GRID2: variants seen among roughly 807,000 people sequenced by gnomAD.
GRID2 encodes glutamate ionotropic receptor delta type subunit 2.
In GRID2, 33 loss-of-function variants were observed where a neutral mutation model predicts 114.8. That is an observed-to-expected ratio of 0.29 (90% CI 0.22 to 0.38). The LOEUF (loss-of-function observed/expected upper bound fraction) is 0.38. GRID2 is among the 10% of genes least tolerant of loss of function. The pLI is 1.00. For synonymous variants in GRID2, 505 were observed against 449.9 expected (o/e 1.12, Z -1.55); for missense variants, 1,184 against 1,257.7 (o/e 0.94, Z 0.89).
At position 93,701,234 on chromosome 4, in the gene GRID2, G is replaced by T. The variant is rs1373865597; in HGVS notation, c.2361-67976G>T. 3.3e-5 allele frequency among the ~76,000 whole-genome samples: 5 copies of T among 152,106 alleles called. No individual in the cohort carries two copies. In the East Asian group the frequency reaches 9.6e-4, roughly 29 times the overall value. On this transcript the variant is annotated intron_variant, in intron 14 of 15. Coordinates refer to ENST00000282020, the MANE Select transcript of GRID2 (RefSeq NM_001510.4). ...CTTACAGGAAAATTGGAAAAGGAAT[G>T]ATTTCAAATCAAGAACTTTATTTCT...
At chr4:92,724,764 A>C (rs1379109771) in intron 2 of GRID2, among the ~76,000 whole-genome samples, 1 of 152,194 alleles carries the variant, frequency 6.6e-6, no homozygotes, top group African/African-American at 2.4e-5. Flanking sequence ...TGAAGAATAC[A>C]TAAACTAATA....
At chr4:93,457,433 T>G (rs1723310320) in intron 11 of GRID2, among the ~76,000 whole-genome samples, 3 of 152,236 alleles carry the variant, frequency 2.0e-5, no homozygotes, top group South Asian at 4.1e-4. Context: ...GCTACATTTG[T>G]TATTATAAGG....
chr4:92,932,201 C>A (rs1387186815), intron 2 of GRID2, among the ~76,000 whole-genome samples: 1 of 151,200 alleles, frequency 6.6e-6, no homozygotes, highest in Non-Finnish European at 1.5e-5. Context: ...ATTTAAACAA[C>A]TTTTATGAGT....
At position 92,939,343 on chromosome 4, in the gene GRID2, G is replaced by A. The variant is rs937496521; in HGVS notation, c.245-145652G>A. Among the ~76,000 whole-genome samples the A allele has an allele frequency of 6.1e-5, 9 of 147,642 alleles. 1 individual carries two copies. The South Asian group carries it at 1.6e-3, about 26-fold the overall frequency. ...ATGATGAACATTTTTTCATGTGTCT[G>A]TTGGCTGCATAAATGTCTTCCTTTG... On this transcript the variant is annotated intron_variant, in intron 2 of 15. Transcript: ENST00000282020.
intron 1 of GRID2, among the ~76,000 whole-genome samples, chr4:92,441,601 G>A (rs866014677): frequency 2.6e-5 from 4 of 152,118 alleles, no homozygotes; most frequent in Non-Finnish European, 5.9e-5. Flanking sequence ...TTTAGGACAG[G>A]TAAAATGGGG....
chr4:93,328,257 CTT>C (rs1758059393), intron 8 of GRID2, among the ~76,000 whole-genome samples: 1 of 139,730 alleles, frequency 7.2e-6, no homozygotes, highest in South Asian at 2.4e-4. Context: ...ACTACAAACT[CTT>C]TATGTGATCT....
intron 13 of GRID2, among the ~76,000 whole-genome samples, chr4:93,620,620 G>A (rs1327292571): frequency 6.6e-6 from 1 of 152,142 alleles, no homozygotes; most frequent in Non-Finnish European, 1.5e-5. Flanking sequence ...ACATGTTGAG[G>A]AACATAGGTG....
chr4:93,367,011 AT>A (rs1420643942), intron 8 of GRID2, among the ~76,000 whole-genome samples: 1 of 151,990 alleles, frequency 6.6e-6, no homozygotes, highest in Non-Finnish European at 1.5e-5. Flanking sequence ...GAATCAAAGT[AT>A]ATTTCTACTT....
chr4:92,350,628 A>T (rs910593132), intron 1 of GRID2, among the ~76,000 whole-genome samples: 8 of 151,750 alleles, frequency 5.3e-5, no homozygotes, highest in African/African-American at 1.9e-4. Flanking sequence ...TCTTTCTTAA[A>T]GCATAATATG....
intron 4 of GRID2, among the ~76,000 whole-genome samples, chr4:93,142,845 TAAAC>T (rs1735891882): frequency 6.6e-6 from 1 of 152,348 alleles, no homozygotes; most frequent in African/African-American, 2.4e-5. Context: ...TACTGTTTAA[TAAAC>T]AAAGGAAGAA....
chr4:93,508,965 G>A (rs1009212418), intron 12 of GRID2, among the ~76,000 whole-genome samples: 6 of 152,190 alleles, frequency 3.9e-5, no homozygotes, highest in African/African-American at 1.4e-4. Context: ...AAGAAACAGT[G>A]TTTGGCTTAT....
chr4:92,576,938 G>A (rs563658411), intron 1 of GRID2, among the ~76,000 whole-genome samples: 7 of 152,208 alleles, frequency 4.6e-5, no homozygotes, highest in Admixed American at 6.5e-5. Flanking sequence ...TCTTGTCTCA[G>A]ATTTTTAATT....
intron 3 of GRID2, among the ~76,000 whole-genome samples, chr4:93,092,922 C>G (rs1730909560): frequency 6.6e-6 from 1 of 151,972 alleles, no homozygotes; most frequent in South Asian, 2.1e-4. Context: ...GAACAGGCTT[C>G]AGTTCTGCCC....
chr4:93,126,451 G>A (rs1734266248), intron 4 of GRID2, among the ~76,000 whole-genome samples: 2 of 151,856 alleles, frequency 1.3e-5, no homozygotes, highest in African/African-American at 4.8e-5. Context: ...TTTTTGTTGT[G>A]GGCAGATGTC....
At chr4:93,106,663 A>G (rs990189186) in intron 3 of GRID2, among the ~76,000 whole-genome samples, 1 of 152,178 alleles carries the variant, frequency 6.6e-6, no homozygotes, top group African/African-American at 2.4e-5. Flanking sequence ...GCAGCTCATA[A>G]AGAGCATGGC....
intron 13 of GRID2, among the ~76,000 whole-genome samples, chr4:93,525,145 A>C (rs888431297): frequency 4.6e-5 from 7 of 152,210 alleles, no homozygotes; most frequent in African/African-American, 1.7e-4. Flanking sequence ...AGATTTGTAC[A>C]AGACATTGTG....
At chr4:92,760,788 T>A (rs921639422) in intron 2 of GRID2, among the ~76,000 whole-genome samples, 4 of 152,346 alleles carry the variant, frequency 2.6e-5, no homozygotes, top group Admixed American at 2.0e-4. Flanking sequence ...GCTTTTTGAA[T>A]CACATCTGCT....
intron 13 of GRID2, among the ~76,000 whole-genome samples, chr4:93,563,214 C>T (rs1034351239): frequency 3.0e-4 from 46 of 151,948 alleles, no homozygotes; most frequent in South Asian, 8.3e-4. Context: ...TTAAAAAGCA[C>T]CATTTATATC....
intron 2 of GRID2, among the ~76,000 whole-genome samples, chr4:92,948,510 T>G (rs1410761033): frequency 6.6e-6 from 1 of 151,948 alleles, no homozygotes; most frequent in African/African-American, 2.4e-5. Flanking sequence ...TCTTTCCTTT[T>G]TTCTCTTCTA....
Sources: gnomAD v4.1 joint callset for allele counts (sites outside exome capture counted in the v4.1 genomes callset) on GRCh38, gnomAD v4.1.1 for gene constraint, MANE v1.5 for transcripts, NCBI Gene and HGNC (gene_info 2026-07-23, HGNC 2026-07-21) for gene names.